The following CCDC85A variants were observed in gnomAD, a reference collection of about 807,000 sequenced individuals.
The protein encoded by CCDC85A is coiled-coil domain-containing protein 85A.
CCDC85A carries 38 observed loss-of-function variants against 50.2 expected under a neutral mutation model. The ratio of observed to expected loss-of-function variants is 0.76; its 90% CI spans 0.58 to 0.99. The LOEUF is 0.99. CCDC85A is among the 50% of genes least tolerant of loss of function. The probability of loss-of-function intolerance (pLI) is 0.00; values close to 1 mark genes in which losing one functional copy is unlikely to be tolerated. For synonymous variants in CCDC85A, 366 were observed against 301.4 expected, an observed-to-expected ratio of 1.21 and a Z score of -2.22; for missense variants, 820 against 742.0, an observed-to-expected ratio of 1.11 and a Z score of -1.22.
At chr2:56,356,050 G>A (rs1260039023) in intron 3 of CCDC85A, among the ~76,000 whole-genome samples, 5 of 152,120 alleles carry the variant, frequency 3.3e-5, no homozygotes, top group Admixed American at 3.3e-4. Context: ...TTTAATTTAA[G>A]CATTTTCATA....
intron 2 of CCDC85A, among the ~76,000 whole-genome samples, chr2:56,225,678 A>G (rs546100399): frequency 2.6e-5 from 4 of 152,238 alleles, no homozygotes; most frequent in South Asian, 2.1e-4. Flanking sequence ...AAAAATGGCA[A>G]TTGGGATTTT....
At chr2:56,383,599 T>G in intron 5 of CCDC85A, 1 of 985,168 alleles carries the variant, frequency 1.0e-6, no homozygotes. Flanking sequence ...TGCCTACATT[T>G]GGATGCTTTG....
chr2:56,321,599 G>A (rs1031651075), intron 2 of CCDC85A, among the ~76,000 whole-genome samples: 2 of 152,002 alleles, frequency 1.3e-5, no homozygotes, highest in Admixed American at 1.3e-4. Flanking sequence ...TATGAAGGAC[G>A]TTTTCAAGGA....
intron 2 of CCDC85A, among the ~76,000 whole-genome samples, chr2:56,272,381 T>G (rs1378200198): frequency 6.6e-6 from 1 of 152,180 alleles, no homozygotes; most frequent in Non-Finnish European, 1.5e-5. Context: ...ATAAGTAGTG[T>G]GTTTTACAGA....
chr2:56,350,308 C>T (rs1281558009), intron 3 of CCDC85A, among the ~76,000 whole-genome samples: 4 of 151,946 alleles, frequency 2.6e-5, no homozygotes, highest in South Asian at 2.1e-4. Flanking sequence ...CAGTGGCTCA[C>T]GCCTATAATC....
intron 3 of CCDC85A, among the ~76,000 whole-genome samples, chr2:56,368,620 T>G (rs996890368): frequency 1.3e-5 from 2 of 152,062 alleles, no homozygotes; most frequent in African/African-American, 2.4e-5. Context: ...AGGAAACCAC[T>G]TTAGCTGATC....
chr2:56,201,561 T>C (rs997090560), intron 2 of CCDC85A, among the ~76,000 whole-genome samples: 8 of 152,188 alleles, frequency 5.3e-5, no homozygotes, highest in African/African-American at 1.9e-4. Flanking sequence ...CTAGGCTGTA[T>C]GTAGCTATAA....
In CCDC85A at chr2:56,184,511, C is replaced by A; in HGVS notation, c.-114C>A. On this transcript the variant is annotated 5_prime_UTR_variant, in exon 1 of 6. Transcript: ENST00000407595. ...CAACCCAGCGGCCCCTGGGCGGTGC[C>A]GCTGACTCGCCGGAGCGCACAGGGG... is the stretch of plus-strand genomic sequence containing the variant. 1 of 1,181,324 alleles carries A rather than the reference C, an allele frequency of 8.5e-7. No individual in the cohort carries two copies. Among genetic ancestry groups the A allele is most frequent in the Non-Finnish European group, 1.1e-6 (1 of 931,518 alleles). 73.2% of individuals were successfully genotyped at this position (1,181,324 alleles called of 1,614,324 possible).
intron 5 of CCDC85A, among the ~76,000 whole-genome samples, chr2:56,378,695 T>G (rs1676450839): frequency 6.6e-6 from 1 of 152,314 alleles, no homozygotes; most frequent in East Asian, 1.9e-4. Context: ...CGAACTCTAG[T>G]TAGATTCAGA....
chr2:56,224,082 T>A (rs1668444541), intron 2 of CCDC85A, among the ~76,000 whole-genome samples: 1 of 152,156 alleles, frequency 6.6e-6, no homozygotes, highest in Non-Finnish European at 1.5e-5. Context: ...CCCCAAAATA[T>A]CATTTGCATT....
At chr2:56,264,108 C>A (rs768143848) in intron 2 of CCDC85A, among the ~76,000 whole-genome samples, 1 of 152,198 alleles carries the variant, frequency 6.6e-6, no homozygotes, top group Non-Finnish European at 1.5e-5. Flanking sequence ...GGCCCTCAGG[C>A]TGTGGGTTGA....
At chr2:56,315,474 T>C (rs1307385445) in intron 2 of CCDC85A, among the ~76,000 whole-genome samples, 3 of 152,170 alleles carry the variant, frequency 2.0e-5, no homozygotes, top group African/African-American at 7.2e-5. Context: ...ATGCAGTTTT[T>C]ACCATGAGAG....
At chr2:56,362,849 C>T (rs1675600140) in intron 3 of CCDC85A, among the ~76,000 whole-genome samples, 1 of 151,996 alleles carries the variant, frequency 6.6e-6, no homozygotes, top group Non-Finnish European at 1.5e-5. Context: ...GTCTCAAACT[C>T]CTGACCTCAG....
chr2:56,327,574 G>T (rs1673539082), intron 2 of CCDC85A, among the ~76,000 whole-genome samples: 1 of 152,048 alleles, frequency 6.6e-6, no homozygotes, highest in Non-Finnish European at 1.5e-5. Flanking sequence ...ACATTTTTAA[G>T]CTGTGACAAA....
At chr2:56,196,175 G>T (rs1304048940) in intron 2 of CCDC85A, among the ~76,000 whole-genome samples, 2 of 151,890 alleles carry the variant, frequency 1.3e-5, no homozygotes, top group South Asian at 2.1e-4. Flanking sequence ...TTAATTAGTA[G>T]GTGTTTAGAA....
At position 56,342,893 on chromosome 2, in the gene CCDC85A, T is replaced by C; in HGVS notation, c.1255T>C (p.Tyr419His). The C allele has an allele frequency of 1.3e-6, 2 of 1,590,994 alleles. No homozygotes were observed. The highest frequency in any genetic ancestry group is 1.7e-6 in the Non-Finnish European group (2 of 1,167,520). ...TTTAATTTTAGAATCAACCTTGTCC[T>C]ATGTTAGGCAGCTGGAGGCAAGAGT... ...YSGMNESTLS[Y>H]VRQLEARVRQ... The change falls in exon 3 of 6, where the codon TAT (tyrosine) becomes CAT (histidine). Residue 419 changes from tyrosine (Y) to histidine (H), a missense_variant. Tyr to His is a moderately conservative substitution (Grantham distance 83, BLOSUM62 2). Transcript: ENST00000407595.
chr2:56,193,310 T>C lies in CCDC85A; in HGVS notation c.1110T>C (p.Pro370=). ...EHLKQHYGGS[P]DHKHGGGSGG... ...TCAAACAACATTATGGAGGGAGCCCTGATCACAAACACGGAGGAGGCAGTG... is the reference window on the plus strand; with the variant it reads ...TCAAACAACATTATGGAGGGAGCCCCGATCACAAACACGGAGGAGGCAGTG... The change falls in exon 2 of 6, where the codon CCT becomes CCC. Residue 370 remains proline, a synonymous_variant. Coordinates refer to ENST00000407595, the MANE Select transcript of CCDC85A (RefSeq NM_001080433.2). 6.2e-7 allele frequency: 1 copy of C among 1,613,510 alleles called. No individual in the cohort carries two copies. The highest frequency in any genetic ancestry group is 2.2e-5 in the East Asian group (1 of 44,856).
intron 2 of CCDC85A, among the ~76,000 whole-genome samples, chr2:56,342,029 T>C (rs1189504212): frequency 6.6e-6 from 1 of 151,970 alleles, no homozygotes; most frequent in East Asian, 1.9e-4. Context: ...ATTTTGGTTA[T>C]AGTTAACATT....
chr2:56,364,134 C>T (rs1257199552), intron 3 of CCDC85A, among the ~76,000 whole-genome samples: 8 of 152,094 alleles, frequency 5.3e-5, no homozygotes, highest in Non-Finnish European at 1.0e-4. Flanking sequence ...TATTGTTTAA[C>T]AGCCTCTTTT....
Sources: gnomAD v4.1 joint callset for allele counts (sites outside exome capture counted in the v4.1 genomes callset) on GRCh38, gnomAD v4.1.1 for gene constraint, MANE v1.5 for transcripts, NCBI Gene and HGNC (gene_info 2026-07-23, HGNC 2026-07-21) for gene names.